Variants in DGKG observed in about 807,000 individuals in gnomAD.
The protein encoded by DGKG is DAG kinase gamma.
In DGKG, 78 loss-of-function variants were observed where a neutral mutation model predicts 105.3. The ratio of observed to expected loss-of-function variants is 0.74; its 90% CI spans 0.62 to 0.89. DGKG has a LOEUF of 0.89. Ranked by LOEUF, DGKG falls within the 40% of genes least tolerant of loss-of-function variation. DGKG has a pLI of 0.00. For synonymous variants in DGKG, 346 were observed against 367.1 expected, an observed-to-expected ratio of 0.94 and a Z score of 0.66; for missense variants, 958 against 1,020.1, an observed-to-expected ratio of 0.94 and a Z score of 0.83.
intron 11 of DGKG, 77 bp from the exon 12 acceptor site, chr3:186,268,994 T>G (rs1722191645): frequency 9.7e-7 from 1 of 1,026,274 alleles, no homozygotes; most frequent in Non-Finnish European, 1.5e-6. Context: ...AGGAGAAGGA[T>G]CTGGGAGGGG....
intron 21 of DGKG, 146 bp from the exon 22 acceptor site, chr3:186,188,525 G>A (rs1560086824): frequency 1.2e-6 from 1 of 809,850 alleles, no homozygotes; most frequent in Non-Finnish European, 1.9e-6. Context: ...ACTGTCAGAA[G>A]AGAAATCATG....
chr3:186,202,631 A>G (rs761465744), intron 21 of DGKG, among the ~76,000 whole-genome samples: 2 of 152,168 alleles, frequency 1.3e-5, no homozygotes, highest in Non-Finnish European at 2.9e-5. Context: ...TTGCTTGGGG[A>G]AAGTTATTCT....
intron 3 of DGKG, among the ~76,000 whole-genome samples, chr3:186,302,580 C>CTATATATA (rs1724028348): frequency 1.1e-5 from 1 of 91,742 alleles, no homozygotes; most frequent in East Asian, 3.2e-4. Flanking sequence ...ATATATATAC[C>CTATATATA]CACATACATA....
chr3:186,333,119 A>G (rs1725676938), intron 1 of DGKG, among the ~76,000 whole-genome samples: 1 of 152,190 alleles, frequency 6.6e-6, no homozygotes, highest in Non-Finnish European at 1.5e-5. Flanking sequence ...GCAGCAGAAA[A>G]TGGACTAAGT....
At chr3:186,350,734 A>C (rs1006700643) in intron 1 of DGKG, among the ~76,000 whole-genome samples, 3 of 152,210 alleles carry the variant, frequency 2.0e-5, no homozygotes, top group African/African-American at 4.8e-5. Flanking sequence ...CAATTGCTCT[A>C]CATCCTTGCC....
chr3:186,286,028 G>A (rs1209462874), intron 6 of DGKG, among the ~76,000 whole-genome samples: 1 of 152,096 alleles, frequency 6.6e-6, no homozygotes, highest in African/African-American at 2.4e-5. Context: ...CTTTCTCTGC[G>A]GAGCACCCGT....
rs1337304172 is a variant in DGKG, at chr3:186,361,667, C to T, written c.-249+279G>A. On this transcript the variant is annotated intron_variant, in intron 1 of 24. Transcript: ENST00000265022. This position sits in a 1 kb window ranked among gnomAD's most constrained non-coding sequence, Gnocchi z 6.8. Reference sequence around the variant, plus strand: ...AGCAAACTGCCTGGAGCAAGGCCGCCTCCCACCCGCACAGCTTTGAGGCTT... The same window carrying T: ...AGCAAACTGCCTGGAGCAAGGCCGCTTCCCACCCGCACAGCTTTGAGGCTT... Among the ~76,000 whole-genome samples the T allele has an allele frequency of 6.6e-6, 1 of 152,274 alleles. No homozygotes were observed. The highest frequency in any genetic ancestry group is 1.5e-5 in the Non-Finnish European group (1 of 68,048).
chr3:186,223,900 G>A (rs1051165456), intron 20 of DGKG, among the ~76,000 whole-genome samples: 68 of 152,222 alleles, frequency 4.5e-4, no homozygotes, highest in Non-Finnish European at 2.8e-4. Flanking sequence ...CTCTAAGGTC[G>A]TGCTCCTCTC....
chr3:186,268,961 A>C, intron 11 of DGKG, 44 bp from the exon 12 acceptor site: 1 of 1,413,056 alleles, frequency 7.1e-7, no homozygotes, highest in Non-Finnish European at 1.0e-6. Context: ...TGGCAGAACC[A>C]TGTCCCCGGG....
At chr3:186,266,186 A>G (rs1578749350) in intron 13 of DGKG, among the ~76,000 whole-genome samples, 1 of 152,174 alleles carries the variant, frequency 6.6e-6, no homozygotes, top group South Asian at 2.1e-4. Flanking sequence ...CTGATACCAC[A>G]TGGGTTTTGC....
rs747749436 is a variant in DGKG at position 186,297,396 on chromosome 3, C to G, written c.373+25G>C. On this transcript the variant is annotated intron_variant, in intron 5 of 24. Coordinates refer to ENST00000265022, the MANE Select transcript of DGKG (RefSeq NM_001346.3). ...GATGAGGTATTCCCTACTTTTCCCA[C>G]AAGTCTTATATTCCAAAGACTTACC... is the stretch of plus-strand genomic sequence containing the variant. 5.1e-6 allele frequency: 8 copies of G among 1,583,256 alleles called. No homozygotes were observed. The East Asian group carries it at 1.8e-4, about 35-fold the overall frequency.
chr3:186,207,280 G>A (rs986173186), intron 21 of DGKG: 1 of 161,576 alleles, frequency 6.2e-6, no homozygotes, highest in Non-Finnish European at 1.3e-5. Context: ...CATTGGATAT[G>A]CCCAAACCTG....
rs951336757 is a variant in DGKG, at chr3:186,324,756, C to G, written c.-248-4049G>C. The stretch of plus-strand genomic sequence containing the variant: ...CTGCTGGTGGGAATGTAAATTAGTT[C>G]AGTCACTATGGAAAGCAGGTTGGAG... On this transcript the variant is annotated intron_variant, in intron 1 of 24. Coordinates refer to ENST00000265022, the MANE Select transcript of DGKG (RefSeq NM_001346.3). Among the ~76,000 whole-genome samples the G allele has an allele frequency of 2.6e-5, 4 of 152,222 alleles. No homozygotes were observed. In the South Asian group the frequency reaches 8.3e-4, roughly 32 times the overall value.
intron 1 of DGKG, among the ~76,000 whole-genome samples, chr3:186,346,004 T>C (rs2108665222): frequency 6.6e-6 from 1 of 152,286 alleles, no homozygotes; most frequent in South Asian, 2.1e-4. Context: ...CCTGACCTCA[T>C]GATCCACCTG....
At chr3:186,336,945 A>G (rs1725857715) in intron 1 of DGKG, among the ~76,000 whole-genome samples, 1 of 152,238 alleles carries the variant, frequency 6.6e-6, no homozygotes, top group South Asian at 2.1e-4. Context: ...TGACTCAAGA[A>G]TTAGAAAAGC....
chr3:186,280,637 C>A (rs758191475), intron 8 of DGKG, 33 bp downstream of exon 8: 1 of 1,583,586 alleles, frequency 6.3e-7, no homozygotes. Flanking sequence ...TAGAAGCTCA[C>A]TCCAAAGCCA....
intron 20 of DGKG, among the ~76,000 whole-genome samples, chr3:186,217,095 C>A (rs552764603): frequency 6.6e-6 from 1 of 152,166 alleles, no homozygotes; most frequent in Non-Finnish European, 1.5e-5. Flanking sequence ...CTAGGAGACA[C>A]AATCACTGGA....
At chr3:186,285,261 A>G (rs553230867) in intron 6 of DGKG, among the ~76,000 whole-genome samples, 15 of 152,234 alleles carry the variant, frequency 9.9e-5, no homozygotes, top group Non-Finnish European at 1.5e-4. Flanking sequence ...CTGGGCTTAG[A>G]ACATAGAAAG....
intron 2 of DGKG, among the ~76,000 whole-genome samples, chr3:186,307,284 T>C (rs1187050129): frequency 6.6e-6 from 1 of 152,258 alleles, no homozygotes; most frequent in African/African-American, 2.4e-5. Context: ...AGATAAGCCC[T>C]TAACTTGGAA....
Sources: allele counts gnomAD v4.1 joint callset (sites outside exome capture counted in the v4.1 genomes callset), GRCh38; gene constraint gnomAD v4.1.1; non-coding constraint Gnocchi (gnomAD v3.1); transcripts MANE v1.5; gene names NCBI Gene and HGNC (gene_info 2026-07-23, HGNC 2026-07-21).